Variants in DPYD observed in about 807,000 individuals in gnomAD.
The protein encoded by DPYD is dihydropyrimidine dehydrogenase, also known as dihydropyrimidine dehydrogenase [NADP(+)].
In DPYD, 109 loss-of-function variants were observed where a neutral mutation model predicts 116.2. The ratio of observed to expected loss-of-function variants is 0.94; its 90% CI spans 0.80 to 1.10. The LOEUF (loss-of-function observed/expected upper bound fraction) is 1.10. Among genes scored for constraint, DPYD ranks in the 50% least tolerant of loss-of-function variants. The probability of loss-of-function intolerance (pLI) is 0.00; values close to 1 mark genes in which losing one functional copy is unlikely to be tolerated. For missense variants in DPYD, 1,302 were observed against 1,254.5 expected (o/e 1.04, Z -0.57); for synonymous variants, 440 against 432.0 (o/e 1.02, Z -0.23).
At chr1:97,534,851 G>C (rs2102035156) in intron 12 of DPYD, among the ~76,000 whole-genome samples, 1 of 152,020 alleles carries the variant, frequency 6.6e-6, no homozygotes, top group East Asian at 1.9e-4. Context: ...CAACCATAAT[G>C]GGTATTCAAT....
At chr1:97,417,845 C>T (rs58941846) in intron 14 of DPYD, among the ~76,000 whole-genome samples, 12,807 of 152,102 alleles carry the variant, frequency 0.084, 695 homozygotes, top group South Asian at 0.13. Flanking sequence ...CCACTGACAC[C>T]AGTAACACTG....
chr1:97,486,479 G>A (rs899407357), intron 13 of DPYD, among the ~76,000 whole-genome samples: 17 of 152,090 alleles, frequency 1.1e-4, no homozygotes, highest in Admixed American at 3.3e-4. Flanking sequence ...CTTAAGCCAT[G>A]GAGATTATGG....
intron 16 of DPYD, among the ~76,000 whole-genome samples, chr1:97,349,044 G>A (rs1669998099): frequency 6.6e-6 from 1 of 152,140 alleles, no homozygotes; most frequent in African/African-American, 2.4e-5. Context: ...GTGATTAAGT[G>A]TACAGTCCTG....
intron 14 of DPYD, among the ~76,000 whole-genome samples, chr1:97,412,172 C>T (rs1674039018): frequency 6.6e-6 from 1 of 152,142 alleles, no homozygotes; most frequent in Non-Finnish European, 1.5e-5. Context: ...TCACATTTAA[C>T]TATAATCAAT....
At position 97,721,584 on chromosome 1, in the gene DPYD, C is replaced by T; in HGVS notation, c.409G>A (p.Val137Ile). 1.2e-6 allele frequency: 2 copies of T among 1,611,924 alleles called. No individual in the cohort carries two copies. The highest frequency in any genetic ancestry group is 1.7e-6 in the Non-Finnish European group (2 of 1,178,514). ...GTGGCATATAAATTGCATCCACCTACACAAAGATCAGAGGTTGGACATACC... is the reference window on the plus strand; with the variant it reads ...GTGGCATATAAATTGCATCCACCTATACAAAGATCAGAGGTTGGACATACC... The part of the protein sequence containing the change: ...GMVCPTSDLC[V>I]GGCNLYATEE... Residue 137 changes from valine (V) to isoleucine (I), a missense_variant, in exon 5 of 23, where the codon GTA becomes ATA. By Grantham distance (29) the Val-to-Ile change is conservative. Coordinates refer to ENST00000370192, the MANE Select transcript of DPYD (RefSeq NM_000110.4).
chr1:97,594,635 G>C (rs1654751887), intron 9 of DPYD, among the ~76,000 whole-genome samples: 1 of 152,204 alleles, frequency 6.6e-6, no homozygotes, highest in Admixed American at 6.5e-5. Flanking sequence ...AAGTGATAGG[G>C]TGTCTATCAA....
chr1:97,499,971 C>G (rs887434147), intron 13 of DPYD, among the ~76,000 whole-genome samples: 14 of 151,788 alleles, frequency 9.2e-5, no homozygotes, highest in Non-Finnish European at 1.6e-4. Flanking sequence ...ATTCAGGTCT[C>G]TTATGAAGAG....
At chr1:97,497,420 T>C (rs1455758009) in intron 13 of DPYD, among the ~76,000 whole-genome samples, 2 of 151,836 alleles carry the variant, frequency 1.3e-5, no homozygotes, top group African/African-American at 4.8e-5. Context: ...ACCATGTTTC[T>C]AACAGAACTG....
intron 13 of DPYD, among the ~76,000 whole-genome samples, chr1:97,514,502 T>G (rs1321783432): frequency 6.6e-6 from 1 of 151,902 alleles, no homozygotes. Context: ...AGCTTCTCAG[T>G]AATTCTTAAC....
chr1:97,453,337 A>ACCTAGGGTGGT (rs1000959138), intron 13 of DPYD, among the ~76,000 whole-genome samples: 1 of 152,090 alleles, frequency 6.6e-6, no homozygotes, highest in Non-Finnish European at 1.5e-5. Flanking sequence ...ATCCATGACC[A>ACCTAGGGTGGT]CCTAGGGTAT....
At chr1:97,210,733 C>T (rs180893399) in intron 19 of DPYD, among the ~76,000 whole-genome samples, 121 of 152,234 alleles carry the variant, frequency 7.9e-4, no homozygotes, top group Admixed American at 1.6e-3. Context: ...GACATTTTCA[C>T]GGAGGTGTTT....
At chr1:97,451,045 G>T (rs966573196) in intron 13 of DPYD, among the ~76,000 whole-genome samples, 5 of 152,018 alleles carry the variant, frequency 3.3e-5, no homozygotes, top group African/African-American at 1.2e-4. Context: ...TTTAGTTAAG[G>T]ATTTATCAGA....
chr1:97,459,034 T>C (rs1332164835), intron 13 of DPYD, among the ~76,000 whole-genome samples: 1 of 152,074 alleles, frequency 6.6e-6, no homozygotes, highest in Non-Finnish European at 1.5e-5. Context: ...AAAATGTATA[T>C]AATGGGATTA....
intron 14 of DPYD, among the ~76,000 whole-genome samples, chr1:97,430,766 T>C (rs1006633661): frequency 1.5e-4 from 23 of 152,188 alleles, no homozygotes; most frequent in Non-Finnish European, 4.4e-5. Flanking sequence ...CATGGATTCA[T>C]GCATTAATAG....
At chr1:97,492,434 C>G (rs1468506551) in intron 13 of DPYD, among the ~76,000 whole-genome samples, 1 of 152,100 alleles carries the variant, frequency 6.6e-6, no homozygotes, top group Non-Finnish European at 1.5e-5. Context: ...ACTCTACTCC[C>G]TATTCACATA....
intron 5 of DPYD, among the ~76,000 whole-genome samples, chr1:97,703,920 A>G (rs1661750268): frequency 6.6e-6 from 1 of 152,032 alleles, no homozygotes; most frequent in Admixed American, 6.6e-5. Flanking sequence ...AAATTCCTAA[A>G]AATTTAATCA....
chr1:97,574,070 A>T, intron 10 of DPYD, 100 bp from the exon 11 acceptor site: 1 of 1,536,306 alleles, frequency 6.5e-7, no homozygotes, highest in Non-Finnish European at 8.8e-7. Flanking sequence ...TTATGATATT[A>T]AGTCAATATG....
chr1:97,519,959 TTTAA>T (rs1345497216), intron 12 of DPYD, among the ~76,000 whole-genome samples: 1 of 152,096 alleles, frequency 6.6e-6, no homozygotes, highest in Non-Finnish European at 1.5e-5. Context: ...ATATAATTAT[TTTAA>T]TTAATTACAT....
At chr1:97,364,558 ATTC>A (rs1670923880) in intron 16 of DPYD, among the ~76,000 whole-genome samples, 1 of 152,188 alleles carries the variant, frequency 6.6e-6, no homozygotes, top group East Asian at 1.9e-4. Flanking sequence ...GAGTACATAT[ATTC>A]ATTAAGCATA....
Sources: gnomAD v4.1 joint callset for allele counts (sites outside exome capture counted in the v4.1 genomes callset) on GRCh38, gnomAD v4.1.1 for gene constraint, MANE v1.5 for transcripts, NCBI Gene and HGNC (gene_info 2026-07-23, HGNC 2026-07-21) for gene names.